Variants in USP4 observed in about 807,000 individuals in gnomAD.
The protein encoded by USP4 is ubiquitin specific peptidase 4, also known as ubiquitin carboxyl-terminal hydrolase 4.
A neutral mutation model predicts 118.2 loss-of-function variants in USP4; 72 were observed. That is an observed-to-expected ratio of 0.61 (90% CI 0.50 to 0.74). USP4 has a LOEUF of 0.74. Ranked by LOEUF, USP4 falls within the 30% of genes least tolerant of loss-of-function variation. The pLI, the probability that USP4 is intolerant of heterozygous loss-of-function variation, is 0.00. For synonymous variants in USP4, 415 were observed against 440.4 expected, an observed-to-expected ratio of 0.94 and a Z score of 0.72; for missense variants, 1,037 against 1,185.7, an observed-to-expected ratio of 0.87 and a Z score of 1.84.
Position 49,294,584 on chromosome 3 carries a change from C to T in USP4, c.1706G>A (p.Ser569Asn), listed in dbSNP as rs144109965. The change falls in exon 14 of 22, where the codon AGC becomes AAC. Residue 569 changes from serine to asparagine, a missense_variant. This residue lies in a region of USP4 where 522 missense variants were observed against 592.6 expected (regional missense o/e 0.88). Transcript: ENST00000265560. Reference protein sequence around the residue: ...RDDIFVYEVCSTSVDGSECVT... With the variant: ...RDDIFVYEVCNTSVDGSECVT... ...ACATTCCGAGCCATCCACGGAAGTG[C>T]TGCAGACCTCGTACCTGCGTCAATC... 2.4e-5 allele frequency: 38 copies of T among 1,613,802 alleles called. No individual in the cohort carries two copies. In the African/African-American group the frequency reaches 5.1e-4, roughly 22 times the overall value.
At chr3:49,305,191 G>T (rs2047301305) in intron 9 of USP4, among the ~76,000 whole-genome samples, 1 of 149,306 alleles carries the variant, frequency 6.7e-6, no homozygotes, top group Admixed American at 6.7e-5. Flanking sequence ...TCCTTCCCCA[G>T]CCTCCCGAGT....
At chr3:49,330,204 A>AAC (rs1466481558) in intron 2 of USP4, among the ~76,000 whole-genome samples, 2 of 152,054 alleles carry the variant, frequency 1.3e-5, no homozygotes, top group African/African-American at 4.8e-5. Context: ...ACAAACAAAA[A>AAC]AAGTTGAAAT....
chr3:49,284,991 GAGA>G (rs1286743607), intron 16 of USP4, 72 bp from the exon 17 acceptor site: 4 of 1,209,066 alleles, frequency 3.3e-6, no homozygotes, highest in Admixed American at 1.9e-5. Flanking sequence ...TGACAGGAGT[GAGA>G]AGGACCACAC....
intron 3 of USP4, among the ~76,000 whole-genome samples, chr3:49,326,336 TA>T (rs1240215822): frequency 5.4e-4 from 82 of 151,516 alleles, no homozygotes; most frequent in Admixed American, 3.9e-3. Flanking sequence ...AATATATATA[TA>T]TTTTTTTTCT....
At position 49,338,904 on chromosome 3, in the gene USP4, T is replaced by A. The variant is rs189701866; in HGVS notation, c.101+1020A>T. On this transcript the variant is annotated intron_variant, in intron 1 of 21. Transcript: ENST00000265560. ...GGCTCCCACCTGTAATCCCAGCACT[T>A]TGGGAGGCCGAGGCGGGTGGATCAT... 1.7e-4 allele frequency among the ~76,000 whole-genome samples: 26 copies of A among 152,250 alleles called. 1 individual carries two copies. The East Asian group carries it at 5.0e-3, about 29-fold the overall frequency.
At chr3:49,337,322 A>G (rs2047678973) in intron 1 of USP4, among the ~76,000 whole-genome samples, 2 of 152,150 alleles carry the variant, frequency 1.3e-5, no homozygotes, top group African/African-American at 2.4e-5. Context: ...ATAAATATAC[A>G]CATACACATG....
At chr3:49,325,660 C>A (rs550432440) in intron 4 of USP4, 59 bp downstream of exon 4, 6 of 1,590,882 alleles carry the variant, frequency 3.8e-6, no homozygotes, top group Non-Finnish European at 2.6e-6. Context: ...TCCCTCCCAT[C>A]AGCCACAATG....
intron 3 of USP4, 141 bp from the exon 4 acceptor site, chr3:49,325,986 T>C (rs932447103): frequency 2.7e-6 from 3 of 1,098,992 alleles, no homozygotes; most frequent in Non-Finnish European, 3.8e-6. Flanking sequence ...AAAGAACAGA[T>C]TTTTAAAGCT....
intron 9 of USP4, 133 bp from the exon 10 acceptor site, chr3:49,302,675 A>G (rs2047273910): frequency 2.4e-6 from 2 of 839,524 alleles, no homozygotes; most frequent in South Asian, 3.8e-5. Context: ...GAGTAGTCCA[A>G]TTAACTCCTG....
At chr3:49,306,215 T>G (rs1219255400) in intron 8 of USP4, among the ~76,000 whole-genome samples, 3 of 151,836 alleles carry the variant, frequency 2.0e-5, no homozygotes, top group South Asian at 2.1e-4. Context: ...TTTTTGTTTT[T>G]TTTTTTTTTG....
intron 8 of USP4, among the ~76,000 whole-genome samples, chr3:49,309,721 G>A (rs1197020286): frequency 6.8e-6 from 1 of 148,058 alleles, no homozygotes; most frequent in Non-Finnish European, 1.5e-5. Flanking sequence ...CCGTCTCCTG[G>A]GTTCAAGCGA....
At chr3:49,338,777 ACTC>A (rs1448552761) in intron 1 of USP4, among the ~76,000 whole-genome samples, 5 of 151,720 alleles carry the variant, frequency 3.3e-5, no homozygotes, top group Non-Finnish European at 7.4e-5. Context: ...TGTTATCTGT[ACTC>A]CTCCTAACCC....
At chr3:49,289,218 A>G (rs2047128689) in intron 15 of USP4, among the ~76,000 whole-genome samples, 1 of 152,222 alleles carries the variant, frequency 6.6e-6, no homozygotes, top group South Asian at 2.1e-4. Context: ...CCTAAGAAAC[A>G]GGGTTAGGAG....
At chr3:49,331,615 T>C (rs977379750) in intron 2 of USP4, among the ~76,000 whole-genome samples, 8 of 152,204 alleles carry the variant, frequency 5.3e-5, no homozygotes, top group African/African-American at 1.9e-4. Context: ...AGCGAGATTC[T>C]GTCCCAGAAA....
intron 6 of USP4, chr3:49,311,895 A>G: frequency 8.5e-7 from 1 of 1,179,510 alleles, no homozygotes; most frequent in Non-Finnish European, 1.1e-6. Context: ...AAAAACCACA[A>G]GGCTGACCAG....
In USP4 at chr3:49,325,825, A is replaced by C; in HGVS notation, c.381T>G (p.Phe127Leu). The C allele has an allele frequency of 6.2e-7, 1 of 1,613,854 alleles. No individual in the cohort carries two copies. The highest frequency in any genetic ancestry group is 1.3e-5 in the African/African-American group (1 of 75,040). ...ACACCTCGACTTTGCAGTGCTTGAC[A>C]AACAGGCCATGCTCCACAACCTATG... ...IVRKVVEHGLFVKHCKVEVYL... is the reference protein window; with the variant it reads ...IVRKVVEHGLLVKHCKVEVYL... Residue 127 changes from phenylalanine to leucine, a missense_variant, in exon 4 of 22, where the codon TTT (phenylalanine) becomes TTG (leucine). Phe to Leu is a conservative substitution (Grantham distance 22). Transcript: ENST00000265560.
intron 2 of USP4, among the ~76,000 whole-genome samples, chr3:49,329,394 T>G (rs557154648): frequency 8.6e-4 from 131 of 151,624 alleles, no homozygotes; most frequent in African/African-American, 1.2e-3. Flanking sequence ...ATGAATATTT[T>G]TGTGTGTGTG....
At chr3:49,294,288 G>C in intron 14 of USP4, 119 bp downstream of exon 14, 1 of 1,153,810 alleles carries the variant, frequency 8.7e-7, no homozygotes, top group Non-Finnish European at 1.2e-6. Flanking sequence ...CCCGGCAAAT[G>C]CATTTCTTAC....
chr3:49,296,318 A>T (rs1420374329), intron 13 of USP4, among the ~76,000 whole-genome samples: 1 of 147,730 alleles, frequency 6.8e-6, no homozygotes, highest in Non-Finnish European at 1.5e-5. Flanking sequence ...ACACAGCAAG[A>T]CTCTATCTCA....
Sources: allele counts gnomAD v4.1 joint callset (sites outside exome capture counted in the v4.1 genomes callset), GRCh38; gene constraint gnomAD v4.1.1; regional missense constraint gnomAD v4.1.1; transcripts MANE v1.5; gene names NCBI Gene and HGNC (gene_info 2026-07-23, HGNC 2026-07-21).